Variants in POLD2 observed in about 807,000 individuals in gnomAD.
The protein encoded by POLD2 is DNA polymerase delta 2, accessory subunit, also known as DNA polymerase delta subunit 2.
Under a neutral mutation model 48.8 loss-of-function variants are expected in POLD2, and 31 were observed. That is an observed-to-expected ratio of 0.64 (90% CI 0.48 to 0.86). POLD2 has a LOEUF of 0.86. Ranked by LOEUF, POLD2 falls within the 40% of genes least tolerant of loss-of-function variation. POLD2 has a pLI of 0.00. For missense variants in POLD2, 455 were observed against 610.1 expected (o/e 0.75, Z 2.68); for synonymous variants, 233 against 256.3 (o/e 0.91, Z 0.87).
At chr7:44,117,868 C>T in intron 3 of POLD2, 75 bp downstream of exon 3, 1 of 1,596,362 alleles carries the variant, frequency 6.3e-7, no homozygotes, top group Admixed American at 1.7e-5. Flanking sequence ...TTCCCCACAA[C>T]CCCACCTCCA....
intron 9 of POLD2, 114 bp downstream of exon 9, chr7:44,115,652 G>T: frequency 2.5e-6 from 3 of 1,201,756 alleles, no homozygotes; most frequent in Non-Finnish European, 3.5e-6. Context: ...CTTCTCCTCA[G>T]ACAGTTCTCA....
chr7:44,118,103 C>T (rs756054045), intron 2 of POLD2, 39 bp from the exon 3 acceptor site: 14 of 1,608,254 alleles, frequency 8.7e-6, no homozygotes, highest in Non-Finnish European at 1.2e-5. Flanking sequence ...ATGAAGTAGC[C>T]CCCCCGCCCG....
chr7:44,115,545 C>T, intron 9 of POLD2, 149 bp from the exon 10 acceptor site: 1 of 724,402 alleles, frequency 1.4e-6, no homozygotes, highest in South Asian at 1.8e-5. Flanking sequence ...TGTCACAAGA[C>T]CTTGGCCCTG....
In POLD2 at chr7:44,121,713, G is replaced by C. The variant is rs755340551; in HGVS notation, c.220+121C>G. Reference sequence around the variant, plus strand: ...TAAGAAGAAACTGAGGGAAAAAGAGGTTAATTTTCCCAAGGTAACAGGAAG... The same window carrying C: ...TAAGAAGAAACTGAGGGAAAAAGAGCTTAATTTTCCCAAGGTAACAGGAAG... On this transcript the variant is annotated intron_variant, in intron 2 of 10. Coordinates refer to ENST00000610533, the MANE Select transcript of POLD2 (RefSeq NM_006230.4). The surrounding 1 kb of genome is among the most constrained non-coding windows in gnomAD (Gnocchi z 4.5). 4.5e-5 allele frequency: 43 copies of C among 959,818 alleles called. No individual in the cohort carries two copies. The highest frequency in any genetic ancestry group is 6.6e-5 in the Non-Finnish European group (43 of 652,726). The allele number at this position is 959,818 out of a possible 1,614,324, so 59.5% of individuals were successfully genotyped here.
At position 44,121,977 on chromosome 7, in the gene POLD2, C is replaced by T. The variant is rs777834540; in HGVS notation, c.77G>A (p.Arg26Gln). Residue 26 changes from arginine to glutamine, a missense_variant, in exon 2 of 11, where the codon CGG (arginine) becomes CAG (glutamine). Physicochemically the swap from Arg to Gln is conservative, Grantham distance 43. Around this residue, in one of 3 missense-constraint regions of POLD2, gnomAD observed 349 missense variants for 437.4 expected, o/e 0.80. Transcript: ENST00000610533. This position sits in a 1 kb window ranked among gnomAD's most constrained non-coding sequence, Gnocchi z 4.5. The stretch of plus-strand genomic sequence containing the variant: ...GTTGGTGTAGGTTGCCACTGGCACC[C>T]GGGCAAAGGTGGCATTGTTGGCTGA... Reference protein sequence around the residue: ...PPSANNATFARVPVATYTNSS... With the variant: ...PPSANNATFAQVPVATYTNSS... 1 of 1,613,806 alleles carries T rather than the reference C, an allele frequency of 6.2e-7. No homozygotes were observed. The highest frequency in any genetic ancestry group is 8.5e-7 in the Non-Finnish European group (1 of 1,180,020).
intron 2 of POLD2, among the ~76,000 whole-genome samples, chr7:44,118,574 G>A (rs899826469): frequency 5.3e-5 from 8 of 152,142 alleles, no homozygotes; most frequent in African/African-American, 9.7e-5. Context: ...GTGCAGTGGC[G>A]CGATCTCAGC....
chr7:44,116,476 C>A lies in POLD2; in HGVS notation c.815G>T (p.Ser272Ile). 6.3e-7 allele frequency: 1 copy of A among 1,583,922 alleles called. No individual in the cohort carries two copies. The highest frequency in any genetic ancestry group is 8.6e-7 in the Non-Finnish European group (1 of 1,164,238). Residue 272 changes from serine (S) to isoleucine (I), a missense_variant, in exon 7 of 11, where the codon AGC (serine) becomes ATC (isoleucine). Coordinates refer to ENST00000610533, the MANE Select transcript of POLD2 (RefSeq NM_006230.4). The surrounding 1 kb of genome is among the most constrained non-coding windows in gnomAD (Gnocchi z 6.1). The stretch of plus-strand genomic sequence containing the variant: ...ATCCAGCATCTTAACAGCCTCCACG[C>A]TGGCTGCCTGGGTTTTCTTGGTGAG... ...KYLTKKTQAA[S>I]VEAVKMLDEI...
In POLD2 at chr7:44,117,017, T is replaced by C. The variant is rs2096241063; in HGVS notation, c.582-2A>G. On this transcript the variant is annotated splice_acceptor_variant, in intron 5 of 10. Transcript: ENST00000610533. LOFTEE classifies it high-confidence loss of function. ...AGGCCGGACACCAGTAGCACAAACC[T>C]GCGGGAGAAGGTGGGGTCCTCCAGG... The C allele has an allele frequency of 1.2e-6, 2 of 1,612,988 alleles. No individual in the cohort carries two copies. The highest frequency in any genetic ancestry group is 1.3e-5 in the African/African-American group (1 of 75,008).
chr7:44,120,727 CTGCTATCATGTAAAAGAGCCT>C (rs1025791045), intron 2 of POLD2, among the ~76,000 whole-genome samples: 2 of 152,136 alleles, frequency 1.3e-5, no homozygotes, highest in African/African-American at 4.8e-5. Context: ...TCTCTCTCTC[CTGCTATCATGTAAAAGAGCCT>C]TGCTTTCCCT....
In POLD2 at chr7:44,122,082, A is replaced by G; in HGVS notation, c.-29T>C. On this transcript the variant is annotated 5_prime_UTR_variant, in exon 2 of 11. Transcript: ENST00000610533. ...CACACTCCTGACTTGCTTGGTCCAC[A>G]CAGCTTCGCCCAGGCCAAGGAGGTT... is the stretch of plus-strand genomic sequence containing the variant. 6.2e-7 allele frequency: 1 copy of G among 1,609,220 alleles called. No homozygotes were observed. Among genetic ancestry groups the G allele is most frequent in the Non-Finnish European group, 8.5e-7 (1 of 1,177,544 alleles).
chr7:44,117,369 C>T (rs1026024194), intron 4 of POLD2, 122 bp from the exon 5 acceptor site: 14 of 763,652 alleles, frequency 1.8e-5, no homozygotes, highest in Non-Finnish European at 2.9e-5. Context: ...TCACCTAGGA[C>T]TCCAGGATGC....
In POLD2 at chr7:44,115,811, T is replaced by C; in HGVS notation, c.1102A>G (p.Thr368Ala). The C allele has an allele frequency of 6.2e-7, 1 of 1,613,888 alleles. No individual in the cohort carries two copies. Among genetic ancestry groups the C allele is most frequent in the Non-Finnish European group, 8.5e-7 (1 of 1,179,914 alleles). ...MEDHLEILEW[T>A]LRVRHISPTA... ...GGGCTGATGTGACGGACCCGCAGGG[T>C]CCACTCCAGGATCTCCAAGTGATCC... The change falls in exon 9 of 11, where the codon ACC becomes GCC. Residue 368 changes from threonine to alanine, a missense_variant. By Grantham distance (58) the Thr-to-Ala change is moderately conservative. This residue lies in a region of POLD2 where 98 missense variants were observed against 138.6 expected (regional missense o/e 0.71). Coordinates refer to ENST00000610533, the MANE Select transcript of POLD2 (RefSeq NM_006230.4).
At chr7:44,118,431 A>G (rs938676749) in intron 2 of POLD2, 11 of 180,654 alleles carry the variant, frequency 6.1e-5, no homozygotes, top group Non-Finnish European at 1.3e-4. Context: ...GAAGGAGCCA[A>G]TCCTGCTGAC....
In POLD2 at chr7:44,114,805, C is replaced by A; in HGVS notation, c.1390G>T (p.Gly464Cys). 6.2e-7 allele frequency: 1 copy of A among 1,611,536 alleles called. No homozygotes were observed. The highest frequency in any genetic ancestry group is 8.5e-7 in the Non-Finnish European group (1 of 1,177,954). Residue 464 changes from glycine to cysteine, a missense_variant, in exon 11 of 11, where the codon GGC becomes TGC. Physicochemically the swap from Gly to Cys is radical, Grantham distance 159. Coordinates refer to ENST00000610533, the MANE Select transcript of POLD2 (RefSeq NM_006230.4). ...GFGAEDDDLG[G>C]LGLGP Reference sequence around the variant, plus strand: ...TTGAGTCAGGGGCCCAGCCCCAGGCCTCCCAGGTCATCGTCCTCTGCCCCG... The same window carrying A: ...TTGAGTCAGGGGCCCAGCCCCAGGCATCCCAGGTCATCGTCCTCTGCCCCG...
At chr7:44,123,276 C>G in intron 1 of POLD2, 2 of 1,361,212 alleles carry the variant, frequency 1.5e-6, no homozygotes, top group South Asian at 1.8e-5. Context: ...ACGAGTGACT[C>G]GTTAGGAGCT....
intron 1 of POLD2, 190 bp from the exon 2 acceptor site, chr7:44,122,299 A>G: frequency 7.2e-7 from 1 of 1,391,690 alleles, no homozygotes; most frequent in South Asian, 1.7e-5. Flanking sequence ...CGGTCATCCA[A>G]AAAGAGAAAA....
intron 1 of POLD2, 28 bp from the exon 2 acceptor site, chr7:44,122,137 GC>G (rs1403716792): frequency 6.5e-7 from 1 of 1,530,370 alleles, no homozygotes; most frequent in African/African-American, 1.4e-5. Context: ...CATTCCTGCT[GC>G]CCCTGTCCAT....
Position 44,116,053 on chromosome 7 carries a change from C to A in POLD2, c.1019+62G>T. The A allele has an allele frequency of 6.2e-7, 1 of 1,608,554 alleles. No individual in the cohort carries two copies. The highest frequency in any genetic ancestry group is 8.5e-7 in the Non-Finnish European group (1 of 1,175,898). ...ACCTTCCTGGGCCCTCCCTCCCCTC[C>A]CTTCTTTGTGCCTCCTGAGGCAAAA... On this transcript the variant is annotated intron_variant, in intron 8 of 10. Transcript: ENST00000610533. This position sits in a 1 kb window ranked among gnomAD's most constrained non-coding sequence, Gnocchi z 6.1.
intron 2 of POLD2, among the ~76,000 whole-genome samples, chr7:44,119,461 G>C (rs2096245347): frequency 6.6e-6 from 1 of 152,130 alleles, no homozygotes; most frequent in South Asian, 2.1e-4. Context: ...AAGACAAGAA[G>C]GATGCCAGCA....
Sources: gnomAD v4.1 joint callset for allele counts (sites outside exome capture counted in the v4.1 genomes callset) on GRCh38, gnomAD v4.1.1 for gene constraint, gnomAD v4.1.1 regional missense constraint, Gnocchi (gnomAD v3.1) non-coding constraint, MANE v1.5 for transcripts, NCBI Gene and HGNC (gene_info 2026-07-23, HGNC 2026-07-21) for gene names.